Variants in RXRA observed in about 807,000 individuals in gnomAD.
The protein encoded by RXRA is retinoid X receptor alpha, also known as retinoic acid receptor RXR-alpha.
In RXRA, 5 loss-of-function variants were observed where a neutral mutation model predicts 44.5. The observed-to-expected ratio is 0.11, with a 90% CI of 0.06 to 0.24. The LOEUF (loss-of-function observed/expected upper bound fraction) is 0.24. Among genes scored for constraint, RXRA ranks in the 10% least tolerant of loss-of-function variants. RXRA has a pLI of 1.00. For missense variants in RXRA, 412 were observed against 646.5 expected (o/e 0.64, Z 3.93); for synonymous variants, 291 against 271.4 (o/e 1.07, Z -0.71).
At position 134,429,208 on chromosome 9, in the gene RXRA, C is replaced by T; in HGVS notation, c.1011C>T (p.Ala337=). The stretch of plus-strand genomic sequence containing the variant: ...GGCTGCACGTCCACCGGAACAGCGC[C>T]CACAGCGCAGGGGTGGGCGCCATCT... The part of the protein sequence containing the change: ...ATGLHVHRNS[A]HSAGVGAIFD... Residue 337 remains alanine, a synonymous_variant, in exon 7 of 10, where the codon GCC becomes GCT. Coordinates refer to ENST00000481739, the MANE Select transcript of RXRA (RefSeq NM_002957.6). 3 of 1,612,834 alleles carry T rather than the reference C, an allele frequency of 1.9e-6. No homozygotes were observed. Among genetic ancestry groups the T allele is most frequent in the East Asian group, 2.2e-5 (1 of 44,872 alleles).
chr9:134,356,820 C>G (rs1165435280), intron 1 of RXRA, among the ~76,000 whole-genome samples: 1 of 152,104 alleles, frequency 6.6e-6, no homozygotes, highest in Non-Finnish European at 1.5e-5. Context: ...AGGTGGGGGC[C>G]CCTGCCCTGC....
chr9:134,388,743 G>A (rs1260400973), intron 1 of RXRA, among the ~76,000 whole-genome samples: 1 of 152,212 alleles, frequency 6.6e-6, no homozygotes, highest in African/African-American at 2.4e-5. Context: ...CCTGGATGGG[G>A]AGGGGAGTCA....
At chr9:134,340,300 G>C (rs1554747971) in intron 1 of RXRA, among the ~76,000 whole-genome samples, 3 of 152,220 alleles carry the variant, frequency 2.0e-5, no homozygotes, top group African/African-American at 7.2e-5. Flanking sequence ...GTAGGGGGCT[G>C]TGGAGGGCTG....
chr9:134,422,486 TC>T, intron 6 of RXRA: 2 of 1,056,574 alleles, frequency 1.9e-6, no homozygotes, highest in Non-Finnish European at 2.4e-6. Flanking sequence ...ACCGGGACAC[TC>T]CCCCCTCCCA....
intron 1 of RXRA, among the ~76,000 whole-genome samples, chr9:134,391,339 G>T (rs1830796673): frequency 6.6e-6 from 1 of 152,192 alleles, no homozygotes; most frequent in East Asian, 1.9e-4. Context: ...CGCCCTGAGG[G>T]TGGAAAGCCT....
At chr9:134,378,577 G>T (rs2119096470) in intron 1 of RXRA, among the ~76,000 whole-genome samples, 1 of 152,356 alleles carries the variant, frequency 6.6e-6, no homozygotes, top group Admixed American at 6.5e-5. Context: ...TGTCCCCAAG[G>T]AGCAGTACCT....
At chr9:134,369,174 T>C (rs373616084) in intron 1 of RXRA, among the ~76,000 whole-genome samples, 1 of 63,298 alleles carries the variant, frequency 1.6e-5, no homozygotes, top group East Asian at 5.4e-4. Context: ...CTTGTGTGTG[T>C]GTGCGTGGGG....
chr9:134,373,956 T>C (rs1407956535), intron 1 of RXRA: 1 of 152,002 alleles, frequency 6.6e-6, no homozygotes, highest in Non-Finnish European at 1.5e-5. Context: ...ACTTCAGGAG[T>C]GCGCCACCTC....
intron 6 of RXRA, chr9:134,424,456 C>G: frequency 2.0e-6 from 2 of 985,472 alleles, no homozygotes; most frequent in Non-Finnish European, 2.4e-6. Flanking sequence ...GGGCCCTGCT[C>G]ATGCATGCTT....
At chr9:134,372,177 A>G (rs1211378011) in intron 1 of RXRA, 2 of 152,220 alleles carry the variant, frequency 1.3e-5, no homozygotes, top group African/African-American at 4.8e-5. Context: ...AAGCCCGGCC[A>G]TCCAGTCTCA....
Position 134,360,611 on chromosome 9 carries a change from C to G in RXRA, c.28+33952C>G, listed in dbSNP as rs1451363461. On this transcript the variant is annotated intron_variant, in intron 1 of 9. Transcript: ENST00000481739. ...CTGCCGCTTGCTGGTCTGCGGGAGGCTCTTTTGAAAGTGGCGCCCTTTGGC... is the reference window on the plus strand; with the variant it reads ...CTGCCGCTTGCTGGTCTGCGGGAGGGTCTTTTGAAAGTGGCGCCCTTTGGC... 2.0e-5 allele frequency among the ~76,000 whole-genome samples: 3 copies of G among 152,264 alleles called. No individual in the cohort carries two copies. In the South Asian group the frequency reaches 6.2e-4, roughly 31 times the overall value.
At chr9:134,355,585 T>A (rs1272362845) in intron 1 of RXRA, among the ~76,000 whole-genome samples, 1 of 152,070 alleles carries the variant, frequency 6.6e-6, no homozygotes, top group African/African-American at 2.4e-5. Flanking sequence ...GGTGGGGCAG[T>A]AGAGTCCGGC....
At chr9:134,397,574 T>C (rs1435751534) in intron 1 of RXRA, among the ~76,000 whole-genome samples, 2 of 152,232 alleles carry the variant, frequency 1.3e-5, no homozygotes, top group Admixed American at 6.5e-5. Flanking sequence ...TTGGGGCTAC[T>C]GGGCACTGCC....
At chr9:134,378,565 C>T (rs1204292066) in intron 1 of RXRA, among the ~76,000 whole-genome samples, 1 of 152,222 alleles carries the variant, frequency 6.6e-6, no homozygotes, top group East Asian at 1.9e-4. Context: ...GCCCCTGTCA[C>T]CTGTCCCCAA....
chr9:134,434,824 G>A (rs1831588882), intron 9 of RXRA, among the ~76,000 whole-genome samples: 1 of 151,162 alleles, frequency 6.6e-6, no homozygotes, highest in South Asian at 2.1e-4. Flanking sequence ...CTCTCTAAAG[G>A]GGCATCTCCT....
At chr9:134,401,207 T>C (rs1308235147) in intron 1 of RXRA, among the ~76,000 whole-genome samples, 2 of 152,234 alleles carry the variant, frequency 1.3e-5, no homozygotes, top group African/African-American at 4.8e-5. Context: ...TTTCTGCCTT[T>C]CATGATTATT....
rs377592369 is a variant in RXRA at position 134,386,563 on chromosome 9, C to A, written c.29-15069C>A. Among the ~76,000 whole-genome samples, 17 of 152,316 alleles carry A rather than the reference C, an allele frequency of 1.1e-4. No individual in the cohort carries two copies. The East Asian group carries it at 2.5e-3, about 23-fold the overall frequency. ...GGGCCAGGTCTGGGACACCCCGCTCCGTGGAGCATGCCTGTGGTCTGGTCA... is the reference window on the plus strand; with the variant it reads ...GGGCCAGGTCTGGGACACCCCGCTCAGTGGAGCATGCCTGTGGTCTGGTCA... On this transcript the variant is annotated intron_variant, in intron 1 of 9. Coordinates refer to ENST00000481739, the MANE Select transcript of RXRA (RefSeq NM_002957.6).
At chr9:134,369,012 G>T (rs1830453571) in intron 1 of RXRA, among the ~76,000 whole-genome samples, 2 of 80,634 alleles carry the variant, frequency 2.5e-5, no homozygotes, top group African/African-American at 1.4e-4. Flanking sequence ...GTGTGTGTGT[G>T]TGGGGGGGGT....
chr9:134,380,309 TG>T, intron 1 of RXRA: 1 of 559,026 alleles, frequency 1.8e-6, no homozygotes. Flanking sequence ...TGGCTTGGCC[TG>T]GGGGCAGGGG....
Sources: gnomAD v4.1 joint callset for allele counts (sites outside exome capture counted in the v4.1 genomes callset) on GRCh38, gnomAD v4.1.1 for gene constraint, MANE v1.5 for transcripts, NCBI Gene and HGNC (gene_info 2026-07-23, HGNC 2026-07-21) for gene names.